Variants in CYFIP1 observed in about 807,000 individuals in gnomAD.
The protein encoded by CYFIP1 is cytoplasmic FMR1-interacting protein 1.
Under a neutral mutation model 163.5 loss-of-function variants are expected in CYFIP1, and 58 were observed. The observed-to-expected ratio is 0.35, with a 90% CI of 0.29 to 0.44. CYFIP1 has a LOEUF of 0.44. CYFIP1 is among the 20% of genes least tolerant of loss of function. The pLI is 1.00. For missense variants in CYFIP1, 1,338 were observed against 1,653.8 expected (o/e 0.81, Z 3.31); for synonymous variants, 663 against 660.7 (o/e 1.00, Z -0.05).
At chr15:22,888,057 G>A (rs1160352622) in intron 23 of CYFIP1, among the ~76,000 whole-genome samples, 2 of 152,216 alleles carry the variant, frequency 1.3e-5, no homozygotes, top group African/African-American at 2.4e-5. Flanking sequence ...TCAAAAGGGT[G>A]TCTTACTGAG....
chr15:22,980,603 G>T (rs530358282), upstream of CYFIP1, among the ~76,000 whole-genome samples: 1 of 152,236 alleles, frequency 6.6e-6, no homozygotes, highest in African/African-American at 2.4e-5. Context: ...GCGCGGGACG[G>T]CGGGGTCGGA....
intron 1 of CYFIP1, among the ~76,000 whole-genome samples, chr15:22,962,193 T>C (rs551077474): frequency 6.6e-6 from 1 of 152,280 alleles, no homozygotes; most frequent in African/African-American, 2.4e-5. Context: ...AAACTGGGAC[T>C]CAGATACATA....
chr15:22,884,624 G>A (rs1393625584), intron 23 of CYFIP1, among the ~76,000 whole-genome samples: 1 of 152,140 alleles, frequency 6.6e-6, no homozygotes, highest in African/African-American at 2.4e-5. Flanking sequence ...CACAGTACAA[G>A]CTGACTGGGG....
intron 1 of CYFIP1, among the ~76,000 whole-genome samples, chr15:22,956,721 C>T (rs374673766): frequency 5.3e-5 from 8 of 152,212 alleles, no homozygotes; most frequent in African/African-American, 1.7e-4. Context: ...CACGGCCCCA[C>T]TGCCGCCCCG....
At position 22,947,972 on chromosome 15, in the gene CYFIP1, A is replaced by C. The variant is rs564604832; in HGVS notation, c.-6-681T>G. ...CTTCTGCTGAATCTGCTCCAGTCTC[A>C]AGGGTACTCAGGAGGAGCTCTGCCC... On this transcript the variant is annotated intron_variant, in intron 1 of 30. Transcript: ENST00000617928. The C allele has an allele frequency of 4.1e-6, 4 of 985,558 alleles. No homozygotes were observed. The East Asian group carries it at 4.5e-4, about 112-fold the overall frequency. The allele number at this position is 985,558 out of a possible 1,614,324, so 61.1% of individuals were successfully genotyped here. A position where few individuals can be genotyped will look rare whatever the true frequency, so the allele number is the denominator to read the frequency against.
At chr15:22,925,883 G>A in intron 13 of CYFIP1, 99 bp downstream of exon 13, 2 of 1,526,126 alleles carry the variant, frequency 1.3e-6, no homozygotes, top group Non-Finnish European at 1.8e-6. Flanking sequence ...CAGAAGCAAT[G>A]AGTAAACAGG....
chr15:22,873,279 C>T (rs756379888), intron 29 of CYFIP1, among the ~76,000 whole-genome samples: 11 of 152,130 alleles, frequency 7.2e-5, no homozygotes, highest in Admixed American at 2.0e-4. Context: ...ATACAATTGC[C>T]GTGGGTTCAG....
At chr15:22,980,780 G>A (rs2063460694), upstream of CYFIP1, among the ~76,000 whole-genome samples, 1 of 152,064 alleles carries the variant, frequency 6.6e-6, no homozygotes. Flanking sequence ...CGCCCCACTT[G>A]GCAGGAGGCG....
rs35881374 is a variant in CYFIP1 at position 22,934,485 on chromosome 15, C to CTTTTT, written c.901-597_901-593dup. Reference sequence around the variant, plus strand: ...CAGGCGTGAACCACCGCACCCAGCCCTTTTTTTTTTTTTTTTTTTTTTTTT... The same window carrying CTTTTT: ...CAGGCGTGAACCACCGCACCCAGCCCTTTTTTTTTTTTTTTTTTTTTTTTTTTTTT... On this transcript the variant is annotated intron_variant, in intron 9 of 30. Coordinates refer to ENST00000617928, the MANE Select transcript of CYFIP1 (RefSeq NM_014608.6). Among the ~76,000 whole-genome samples the CTTTTT allele has an allele frequency of 6.0e-4, 30 of 49,840 alleles. 5 individuals are homozygous for CTTTTT. The highest frequency in any genetic ancestry group is 1.8e-3 in the African/African-American group (22 of 12,280). 32.7% of individuals were successfully genotyped at this position (49,840 alleles called of 152,430 possible).
Position 22,910,643 on chromosome 15 carries a change from A to G in CYFIP1, c.2160-15T>C. ...CAAGAAGCAAACTAGTGTAGAAGGA[A>G]GACAGAAAGTTTTTCATACGCCATA... On this transcript the variant is annotated splice_polypyrimidine_tract_variant and intron_variant, in intron 19 of 30. Coordinates refer to ENST00000617928, the MANE Select transcript of CYFIP1 (RefSeq NM_014608.6). The G allele has an allele frequency of 6.2e-7, 1 of 1,612,390 alleles. No homozygotes were observed. The highest frequency in any genetic ancestry group is 8.5e-7 in the Non-Finnish European group (1 of 1,178,384).
In CYFIP1 at chr15:22,980,318, G is replaced by C. The variant is rs2063443257; in HGVS notation, c.-38C>G. The stretch of plus-strand genomic sequence containing the variant: ...CCGCGGCGGCTTGGGGGTCCTGGGC[G>C]GGCCCTGGGAGTTTCCTTGGCCGAG... On this transcript the variant is annotated 5_prime_UTR_variant, in exon 1 of 31. Coordinates refer to ENST00000617928, the MANE Select transcript of CYFIP1 (RefSeq NM_014608.6). 1 of 151,872 alleles carries C rather than the reference G, an allele frequency of 6.6e-6. No homozygotes were observed. Among genetic ancestry groups the C allele is most frequent in the African/African-American group, 2.4e-5 (1 of 41,370 alleles). 9.4% of individuals were successfully genotyped at this position (151,872 alleles called of 1,614,324 possible).
chr15:22,882,207 C>T (rs1035317101), intron 24 of CYFIP1, among the ~76,000 whole-genome samples: 1 of 152,174 alleles, frequency 6.6e-6, no homozygotes, highest in African/African-American at 2.4e-5. Flanking sequence ...AGAGCTTTGT[C>T]GCCAGGTGTC....
chr15:22,891,074 C>G (rs1379947175), intron 23 of CYFIP1, among the ~76,000 whole-genome samples: 1 of 150,916 alleles, frequency 6.6e-6, no homozygotes, highest in Non-Finnish European at 1.5e-5. Flanking sequence ...TAGAGAGGAT[C>G]TGAATTGTAT....
intron 9 of CYFIP1, among the ~76,000 whole-genome samples, chr15:22,935,650 G>C (rs1233455165): frequency 6.6e-6 from 1 of 152,092 alleles, no homozygotes; most frequent in Non-Finnish European, 1.5e-5. Flanking sequence ...GAATATACTG[G>C]TCAAAGCGTA....
chr15:22,926,993 T>C (rs1472245316), intron 12 of CYFIP1, among the ~76,000 whole-genome samples: 2 of 152,194 alleles, frequency 1.3e-5, no homozygotes, highest in Non-Finnish European at 2.9e-5. Context: ...TGTACCCCTA[T>C]TATGCATCAA....
At chr15:22,893,453 G>GA (rs1356835376) in intron 22 of CYFIP1, among the ~76,000 whole-genome samples, 4 of 152,184 alleles carry the variant, frequency 2.6e-5, no homozygotes, top group African/African-American at 9.6e-5. Flanking sequence ...ACTTAAAATC[G>GA]AATGTGTCCA....
At chr15:22,977,380 T>C (rs1222490496) in intron 1 of CYFIP1, among the ~76,000 whole-genome samples, 1 of 152,174 alleles carries the variant, frequency 6.6e-6, no homozygotes, top group African/African-American at 2.4e-5. Context: ...GCCTTTTCTT[T>C]CTTTGTCTGA....
At chr15:22,871,581 G>A (rs1453030692) in intron 30 of CYFIP1, among the ~76,000 whole-genome samples, 1 of 152,172 alleles carries the variant, frequency 6.6e-6, no homozygotes, top group Admixed American at 6.5e-5. Flanking sequence ...CCACTCCACG[G>A]GGCCTGGGCA....
At chr15:22,888,638 A>ACACGAATCACTGGAATCACAATAATCACT in intron 23 of CYFIP1, among the ~76,000 whole-genome samples, 1 of 151,940 alleles carries the variant, frequency 6.6e-6, no homozygotes, top group South Asian at 2.1e-4. Flanking sequence ...AGGCTGAGGC[A>ACACGAATCACTGGAATCACAATAATCACT]GGAGGATTGC....
Sources: allele counts gnomAD v4.1 joint callset (sites outside exome capture counted in the v4.1 genomes callset), GRCh38; gene constraint gnomAD v4.1.1; transcripts MANE v1.5; gene names NCBI Gene and HGNC (gene_info 2026-07-23, HGNC 2026-07-21).